Variants in CHCHD6 observed in about 807,000 individuals in gnomAD.
The protein encoded by CHCHD6 is MICOS complex subunit MIC25.
CHCHD6 carries 28 observed loss-of-function variants against 32.3 expected under a neutral mutation model. The ratio of observed to expected loss-of-function variants is 0.87; its 90% CI spans 0.64 to 1.19. The LOEUF is 1.19. Ranked by LOEUF, CHCHD6 falls within the 50% of genes most tolerant of loss-of-function variation. The probability of loss-of-function intolerance (pLI) is 0.00; values close to 1 mark genes in which losing one functional copy is unlikely to be tolerated. For synonymous variants in CHCHD6, 122 were observed against 117.5 expected, an observed-to-expected ratio of 1.04 and a Z score of -0.25; for missense variants, 333 against 307.0, an observed-to-expected ratio of 1.08 and a Z score of -0.63.
intron 4 of CHCHD6, among the ~76,000 whole-genome samples, chr3:126,778,546 G>C (rs1937766446): frequency 1.3e-5 from 2 of 152,018 alleles, no homozygotes; most frequent in Admixed American, 6.6e-5. Flanking sequence ...GTGCTTATTG[G>C]CTATTTATAT....
chr3:126,816,699 T>C (rs1939921428), intron 4 of CHCHD6, among the ~76,000 whole-genome samples: 1 of 152,176 alleles, frequency 6.6e-6, no homozygotes, highest in South Asian at 2.1e-4. Context: ...ACTTGTTATT[T>C]ATTTATTTTT....
At chr3:126,744,816 T>G (rs1043358303) in intron 4 of CHCHD6, among the ~76,000 whole-genome samples, 28 of 152,288 alleles carry the variant, frequency 1.8e-4, no homozygotes, top group Non-Finnish European at 3.8e-4. Flanking sequence ...GCCTCCCCAG[T>G]AGCTGGGACT....
intron 6 of CHCHD6, among the ~76,000 whole-genome samples, chr3:126,937,181 A>G (rs2107601430): frequency 6.6e-6 from 1 of 152,368 alleles, no homozygotes; most frequent in South Asian, 2.1e-4. Flanking sequence ...GTAGTCAAGT[A>G]GGGACCTAAA....
intron 4 of CHCHD6, among the ~76,000 whole-genome samples, chr3:126,831,125 G>A (rs567652359): frequency 3.3e-5 from 5 of 152,008 alleles, no homozygotes; most frequent in East Asian, 1.9e-4. Flanking sequence ...CCGGGTTCAC[G>A]CCATTCTCCT....
intron 4 of CHCHD6, among the ~76,000 whole-genome samples, chr3:126,755,003 G>T (rs555436560): frequency 6.6e-6 from 1 of 152,334 alleles, no homozygotes; most frequent in African/African-American, 2.4e-5. Flanking sequence ...TCCTGATGAA[G>T]TGGGGAGTGT....
intron 4 of CHCHD6, among the ~76,000 whole-genome samples, chr3:126,791,041 A>G (rs1008250365): frequency 2.6e-5 from 4 of 152,238 alleles, no homozygotes; most frequent in African/African-American, 9.6e-5. Context: ...CCCTTCTAAC[A>G]GTCAGGGTCC....
chr3:126,892,598 T>C (rs984429346), intron 5 of CHCHD6, among the ~76,000 whole-genome samples: 1 of 152,206 alleles, frequency 6.6e-6, no homozygotes, highest in Non-Finnish European at 1.5e-5. Flanking sequence ...CTAGCCCACG[T>C]CCAGCTTTCA....
chr3:126,891,196 T>C (rs1473893650), intron 5 of CHCHD6, among the ~76,000 whole-genome samples: 2 of 152,076 alleles, frequency 1.3e-5, no homozygotes, highest in South Asian at 2.1e-4. Flanking sequence ...AAGTATACCA[T>C]GTCGGAAAGG....
intron 6 of CHCHD6, among the ~76,000 whole-genome samples, chr3:126,927,105 C>T (rs770513242): frequency 3.3e-5 from 5 of 152,126 alleles, no homozygotes; most frequent in African/African-American, 1.2e-4. Flanking sequence ...CTGAGCTGGG[C>T]AAATACCTGA....
At chr3:126,737,032 CTTT>C (rs1936074057) in intron 4 of CHCHD6, among the ~76,000 whole-genome samples, 1 of 152,092 alleles carries the variant, frequency 6.6e-6, no homozygotes, top group Non-Finnish European at 1.5e-5. Flanking sequence ...AAAGCAAAAA[CTTT>C]CTTGGCTGGG....
At chr3:126,881,020 T>A (rs1475411851) in intron 5 of CHCHD6, among the ~76,000 whole-genome samples, 1 of 152,224 alleles carries the variant, frequency 6.6e-6, no homozygotes, top group Non-Finnish European at 1.5e-5. Flanking sequence ...GAAAGATCTC[T>A]GAGTCAGATT....
intron 4 of CHCHD6, among the ~76,000 whole-genome samples, chr3:126,846,775 G>T (rs2107549413): frequency 6.6e-6 from 1 of 152,228 alleles, no homozygotes; most frequent in East Asian, 1.9e-4. Context: ...TAATGTGTCT[G>T]GTTCCAGTAT....
At chr3:126,710,151 C>T (rs904699262) in intron 1 of CHCHD6, among the ~76,000 whole-genome samples, 3 of 152,190 alleles carry the variant, frequency 2.0e-5, no homozygotes, top group East Asian at 1.9e-4. Flanking sequence ...TGATCTAAAT[C>T]GATGTTTGCT....
intron 5 of CHCHD6, among the ~76,000 whole-genome samples, chr3:126,863,661 C>T (rs1942071401): frequency 6.8e-6 from 1 of 146,994 alleles, no homozygotes; most frequent in Middle Eastern, 3.6e-3. Flanking sequence ...CCTCCCCCTC[C>T]TCCACCATCA....
chr3:126,832,690 A>C (rs1045641805), intron 4 of CHCHD6, among the ~76,000 whole-genome samples: 1 of 152,162 alleles, frequency 6.6e-6, no homozygotes, highest in Non-Finnish European at 1.5e-5. Context: ...TTCATGTGTC[A>C]TTGTGCTTTA....
chr3:126,822,423 T>C (rs1184100728), intron 4 of CHCHD6, among the ~76,000 whole-genome samples: 2 of 152,236 alleles, frequency 1.3e-5, no homozygotes, highest in Non-Finnish European at 2.9e-5. Context: ...TTCCAGTCCA[T>C]GTATCTCTAT....
At chr3:126,949,012 G>T (rs976704662) in intron 6 of CHCHD6, among the ~76,000 whole-genome samples, 1 of 152,246 alleles carries the variant, frequency 6.6e-6, no homozygotes, top group South Asian at 2.1e-4. Flanking sequence ...AAATAAAGGG[G>T]CATCTCTGCC....
At chr3:126,864,608 A>ACCTCCACCACCTCCTTCT (rs1312980664) in intron 5 of CHCHD6, among the ~76,000 whole-genome samples, 2 of 112,670 alleles carry the variant, frequency 1.8e-5, no homozygotes, top group Non-Finnish European at 3.7e-5. Flanking sequence ...CTTCTCCTCC[A>ACCTCCACCACCTCCTTCT]CCTCCACCAC....
At chr3:126,948,519 C>T (rs2078672198) in intron 6 of CHCHD6, among the ~76,000 whole-genome samples, 2 of 152,148 alleles carry the variant, frequency 1.3e-5, no homozygotes, top group Admixed American at 1.3e-4. Flanking sequence ...CCCACCCTAC[C>T]CCATATGCCC....
Sources: gnomAD v4.1 joint callset for allele counts (sites outside exome capture counted in the v4.1 genomes callset) on GRCh38, gnomAD v4.1.1 for gene constraint, MANE v1.5 for transcripts, NCBI Gene and HGNC (gene_info 2026-07-23, HGNC 2026-07-21) for gene names.